Variants in UACA observed in about 807,000 individuals in gnomAD.
The protein encoded by UACA is uveal autoantigen with coiled-coil domains and ankyrin repeats.
UACA carries 112 observed loss-of-function variants against 160.5 expected under a neutral mutation model. The ratio of observed to expected loss-of-function variants is 0.70; its 90% CI spans 0.60 to 0.82. UACA has a LOEUF of 0.82. Among genes scored for constraint, UACA ranks in the 40% least tolerant of loss-of-function variants. UACA has a pLI of 0.00. For synonymous variants in UACA, 557 were observed against 568.4 expected (o/e 0.98, Z 0.29); for missense variants, 1,574 against 1,614.6 (o/e 0.97, Z 0.43).
intron 1 of UACA, among the ~76,000 whole-genome samples, chr15:70,709,625 T>G (rs1253664040): frequency 2.0e-5 from 3 of 152,218 alleles, no homozygotes; most frequent in African/African-American, 7.2e-5. Context: ...ACTTTACATC[T>G]AGACTCTTTT....
At chr15:70,664,321 C>A (rs978573565) in intron 17 of UACA, among the ~76,000 whole-genome samples, 89 of 152,230 alleles carry the variant, frequency 5.8e-4, no homozygotes, top group African/African-American at 2.1e-3. Flanking sequence ...TCAGCCAGTT[C>A]CAGGTTTATA....
chr15:70,702,639 C>T (rs1454491894), intron 1 of UACA, among the ~76,000 whole-genome samples: 1 of 152,170 alleles, frequency 6.6e-6, no homozygotes, highest in African/African-American at 2.4e-5. Context: ...TATAATAGCC[C>T]TGACAAACAG....
intron 1 of UACA, among the ~76,000 whole-genome samples, chr15:70,717,803 A>T (rs915973693): frequency 3.9e-5 from 6 of 152,162 alleles, no homozygotes; most frequent in African/African-American, 1.4e-4. Context: ...GGTATTTTGT[A>T]GATGTGATTA....
rs1897422340 is a variant in UACA, at chr15:70,679,646, T to G, written c.853A>C (p.Asn285His). ...TGCTCCCTCTGATGTGACTTCACAT[T>G]TACTTCATCTTGCATGTGTGTCAAA... ...RNLTHMQDEV[N>H]VKSHQREHQN... Residue 285 changes from asparagine (N) to histidine (H), a missense_variant, in exon 10 of 19, where the codon AAT becomes CAT. Physicochemically the swap from Asn to His is moderately conservative, Grantham distance 68. Coordinates refer to ENST00000322954, the MANE Select transcript of UACA (RefSeq NM_018003.4). The G allele has an allele frequency of 6.3e-7, 1 of 1,591,442 alleles. No homozygotes were observed. Among genetic ancestry groups the G allele is most frequent in the Admixed American group, 1.8e-5 (1 of 56,544 alleles).
intron 1 of UACA, among the ~76,000 whole-genome samples, chr15:70,700,344 C>G (rs1039294174): frequency 7.8e-6 from 1 of 128,820 alleles, no homozygotes; most frequent in African/African-American, 3.3e-5. Flanking sequence ...CACACACATT[C>G]TATACAGAAA....
intron 1 of UACA, among the ~76,000 whole-genome samples, chr15:70,757,071 T>G (rs2030476045): frequency 6.6e-6 from 1 of 152,216 alleles, no homozygotes; most frequent in Non-Finnish European, 1.5e-5. Context: ...AATTGGCTAG[T>G]ATGCATTTTA....
intron 4 of UACA, 137 bp from the exon 5 acceptor site, chr15:70,690,648 T>C (rs1897901355): frequency 1.6e-6 from 1 of 630,234 alleles, no homozygotes; most frequent in South Asian, 2.2e-5. Flanking sequence ...CGACAATCCA[T>C]GAAATATGCT....
At chr15:70,717,870 A>C (rs1898866469) in intron 1 of UACA, among the ~76,000 whole-genome samples, 1 of 152,034 alleles carries the variant, frequency 6.6e-6, no homozygotes, top group Non-Finnish European at 1.5e-5. Context: ...CAATCCCTTA[A>C]AGGGCTTAAG....
intron 1 of UACA, among the ~76,000 whole-genome samples, chr15:70,754,639 G>C (rs1199210750): frequency 1.3e-5 from 2 of 152,170 alleles, no homozygotes; most frequent in East Asian, 3.8e-4. Context: ...TGGTCACTCA[G>C]CTACATCAGT....
At chr15:70,708,460 CTA>C in intron 1 of UACA, among the ~76,000 whole-genome samples, 1 of 150,352 alleles carries the variant, frequency 6.7e-6, no homozygotes, top group East Asian at 1.9e-4. Context: ...TCTCACAATA[CTA>C]TCTTTTTTTT....
At chr15:70,689,073 AG>A (rs774761585) in intron 5 of UACA, among the ~76,000 whole-genome samples, 2 of 152,166 alleles carry the variant, frequency 1.3e-5, no homozygotes, top group Non-Finnish European at 2.9e-5. Flanking sequence ...ACTACTTCCA[AG>A]TCTGAGTTCC....
chr15:70,686,484 C>CT (rs59586401), intron 7 of UACA, among the ~76,000 whole-genome samples: 2,072 of 104,794 alleles, frequency 0.02, 25 homozygotes, highest in African/African-American at 0.043. Flanking sequence ...AGCCAGGGTT[C>CT]TTTTTTTTTT....
chr15:70,765,885 G>A (rs2030998615), upstream of UACA, among the ~76,000 whole-genome samples: 1 of 152,172 alleles, frequency 6.6e-6, no homozygotes, highest in South Asian at 2.1e-4. Flanking sequence ...AATGTTAATT[G>A]CTTACAAGAG....
intron 1 of UACA, among the ~76,000 whole-genome samples, chr15:70,748,711 G>C (rs1001038347): frequency 6.6e-6 from 1 of 152,004 alleles, no homozygotes; most frequent in Non-Finnish European, 1.5e-5. Context: ...CTGTAGCTCA[G>C]AGGAACACTA....
Position 70,668,336 on chromosome 15 carries a change from T to C in UACA, c.2348A>G (p.Glu783Gly), listed in dbSNP as rs1209699606. The C allele has an allele frequency of 1.9e-6, 3 of 1,610,628 alleles. No homozygotes were observed. The highest frequency in any genetic ancestry group is 2.5e-6 in the Non-Finnish European group (3 of 1,179,264). ...GCTGTCATTTTCCAGTAGCAATTTC[T>C]CCATTTCCAACTTCTTTTCTGTATA... ...QKYTEKKLEM[E>G]KLLLENDSLS... Residue 783 changes from glutamate (E) to glycine (G), a missense_variant, in exon 16 of 19, where the codon GAG (glutamate) becomes GGG (glycine). By Grantham distance (98) the Glu-to-Gly change is moderately conservative. Transcript: ENST00000322954.
In UACA at chr15:70,656,508, G is replaced by A. The variant is rs1896477227; in HGVS notation, c.*548C>T. ...TTTAAAAGGCATAAAAGTTATTAGT[G>A]TAAAAAGAAAAAATATCTATACCTA... On this transcript the variant is annotated 3_prime_UTR_variant, in exon 19 of 19. Transcript: ENST00000322954. 3 of 152,070 alleles carry A rather than the reference G, an allele frequency of 2.0e-5. No homozygotes were observed. The highest frequency in any genetic ancestry group is 4.4e-5 in the Non-Finnish European group (3 of 68,026). The allele number at this position is 152,070 out of a possible 1,614,324, so 9.4% of individuals were successfully genotyped here.
At chr15:70,753,852 C>G (rs1043175086) in intron 1 of UACA, among the ~76,000 whole-genome samples, 15 of 152,234 alleles carry the variant, frequency 9.9e-5, no homozygotes, top group African/African-American at 3.6e-4. Context: ...ATCGCCCAGG[C>G]TGGAGTGCAG....
chr15:70,747,707 C>T (rs934924258), intron 1 of UACA, among the ~76,000 whole-genome samples: 1 of 152,120 alleles, frequency 6.6e-6, no homozygotes. Flanking sequence ...TTTTCAGTAG[C>T]AGTGCCTGGA....
chr15:70,678,883 GATTT>G (rs1897379706), intron 10 of UACA, among the ~76,000 whole-genome samples: 1 of 151,928 alleles, frequency 6.6e-6, no homozygotes, highest in African/African-American at 2.4e-5. Context: ...AAAAAAATCA[GATTT>G]AATTTACATT....
Sources: gnomAD v4.1 joint callset for allele counts (sites outside exome capture counted in the v4.1 genomes callset) on GRCh38, gnomAD v4.1.1 for gene constraint, MANE v1.5 for transcripts, NCBI Gene and HGNC (gene_info 2026-07-23, HGNC 2026-07-21) for gene names.